Variants in ENPP6 observed in about 807,000 individuals in gnomAD.
The protein encoded by ENPP6 is glycerophosphocholine cholinephosphodiesterase ENPP6.
A neutral mutation model predicts 42.0 loss-of-function variants in ENPP6; 32 were observed. The observed-to-expected ratio is 0.76, with a 90% CI of 0.58 to 1.02. The LOEUF (loss-of-function observed/expected upper bound fraction) is 1.02, where lower values mean the gene tolerates loss of function less well. ENPP6 is among the 50% of genes least tolerant of loss of function. The probability of loss-of-function intolerance (pLI) is 0.00; values close to 1 mark genes in which losing one functional copy is unlikely to be tolerated. For missense variants in ENPP6, 552 were observed against 566.8 expected (o/e 0.97, Z 0.27); for synonymous variants, 213 against 216.0 (o/e 0.99, Z 0.12).
chr4:184,101,017 G>T (rs1735991500), intron 6 of ENPP6, among the ~76,000 whole-genome samples: 1 of 152,178 alleles, frequency 6.6e-6, no homozygotes, highest in Admixed American at 6.5e-5. Flanking sequence ...CGAGCCTGAA[G>T]GAGGGAGGGA....
Position 184,205,482 on chromosome 4 carries a change from C to T in ENPP6, c.241+12097G>A, listed in dbSNP as rs866188043. 1.8e-4 allele frequency among the ~76,000 whole-genome samples: 28 copies of T among 152,294 alleles called. No individual in the cohort carries two copies. The Middle Eastern group carries it at 0.01, about 56-fold the overall frequency. On this transcript the variant is annotated intron_variant, in intron 1 of 7. Coordinates refer to ENST00000296741, the MANE Select transcript of ENPP6 (RefSeq NM_153343.4). The stretch of plus-strand genomic sequence containing the variant: ...GCACGCCCAGCGGGACACAAGCAAG[C>T]GAAGAGAAGGGTGGTGGGAGCGAGG...
At chr4:184,162,288 G>T (rs977542538) in intron 1 of ENPP6, among the ~76,000 whole-genome samples, 1 of 151,960 alleles carries the variant, frequency 6.6e-6, no homozygotes, top group Admixed American at 6.6e-5. Context: ...CTGGAAAAAA[G>T]GGGGGAAGGA....
At chr4:184,169,419 C>T (rs1002381367) in intron 1 of ENPP6, among the ~76,000 whole-genome samples, 14 of 152,230 alleles carry the variant, frequency 9.2e-5, no homozygotes, top group Admixed American at 8.5e-4. Flanking sequence ...GGGAGGGCAG[C>T]AGGGGAGGGT....
At chr4:184,130,982 T>C (rs1736596400) in intron 2 of ENPP6, among the ~76,000 whole-genome samples, 1 of 152,206 alleles carries the variant, frequency 6.6e-6, no homozygotes, top group African/African-American at 2.4e-5. Flanking sequence ...ACAGAAACAT[T>C]TCTGTACACT....
intron 1 of ENPP6, among the ~76,000 whole-genome samples, chr4:184,195,247 A>AC (rs2111110684): frequency 6.6e-6 from 1 of 152,132 alleles, no homozygotes; most frequent in African/African-American, 2.4e-5. Flanking sequence ...TCTAGTACCC[A>AC]ATAGTTATTT....
chr4:184,191,299 T>C (rs1256583478), intron 1 of ENPP6, among the ~76,000 whole-genome samples: 1 of 152,228 alleles, frequency 6.6e-6, no homozygotes, highest in African/African-American at 2.4e-5. Flanking sequence ...GGAACAATTG[T>C]GACTACTTTA....
At chr4:184,116,830 C>G (rs1406331756) in intron 5 of ENPP6, 26 bp downstream of exon 5, 3 of 1,611,412 alleles carry the variant, frequency 1.9e-6, no homozygotes. Context: ...CATGGCCCTC[C>G]TCCGCCCCCC....
intron 2 of ENPP6, among the ~76,000 whole-genome samples, chr4:184,146,578 G>T (rs759783423): frequency 6.6e-6 from 1 of 152,218 alleles, no homozygotes; most frequent in Non-Finnish European, 1.5e-5. Flanking sequence ...AGAGCTGGCC[G>T]GGGTGCCCCG....
chr4:184,133,161 T>TCACA lies in ENPP6; in HGVS notation c.422-8893_422-8890dup, dbSNP rs66979248. ...TAAATTTTAGAATCAACCTGTCAAT[T>TCACA]CACACACACACACACACACACACAC... On this transcript the variant is annotated intron_variant, in intron 2 of 7. Transcript: ENST00000296741. Among the ~76,000 whole-genome samples the TCACA allele has an allele frequency of 7.2e-3, 1,007 of 139,908 alleles. 10 individuals are homozygous for TCACA. Among genetic ancestry groups the TCACA allele is most frequent in the South Asian group, 0.046 (204 of 4,412 alleles). The allele number at this position is 139,908 out of a possible 152,430, so 91.8% of individuals were successfully genotyped here.
rs1311985637 is a variant in ENPP6 at position 184,097,333 on chromosome 4, G to A, written c.1029C>T (p.Thr343=). The A allele has an allele frequency of 1.9e-6, 3 of 1,614,022 alleles. No individual in the cohort carries two copies. Among genetic ancestry groups the A allele is most frequent in the African/African-American group, 2.7e-5 (2 of 74,922 alleles). The part of the protein sequence containing the change: ...REMLPFWMNS[T]GRREGWQRGW... The stretch of plus-strand genomic sequence containing the variant: ...CACGCTGCCAACCTTCCCGCCTGCC[G>A]GTGCTGTTCATCCAAAACGGAAGCA... The change falls in exon 7 of 8, where the codon ACC becomes ACT. Residue 343 remains threonine, a synonymous_variant. Transcript: ENST00000296741.
At chr4:184,091,775 G>C (rs945236077) in intron 7 of ENPP6, among the ~76,000 whole-genome samples, 5 of 152,092 alleles carry the variant, frequency 3.3e-5, no homozygotes, top group African/African-American at 1.2e-4. Flanking sequence ...ATGGTGGTGT[G>C]CTCCCAGCTA....
intron 2 of ENPP6, among the ~76,000 whole-genome samples, chr4:184,135,147 T>C (rs1443556452): frequency 6.6e-6 from 1 of 152,192 alleles, no homozygotes; most frequent in African/African-American, 2.4e-5. Flanking sequence ...ATTTCATGTA[T>C]ACTTGAAAAT....
intron 2 of ENPP6, among the ~76,000 whole-genome samples, chr4:184,151,905 A>T (rs921669618): frequency 6.6e-6 from 1 of 152,184 alleles, no homozygotes; most frequent in African/African-American, 2.4e-5. Context: ...ACGAAAAGTT[A>T]TCTCCTTGTA....
intron 2 of ENPP6, among the ~76,000 whole-genome samples, chr4:184,126,432 C>T (rs991038522): frequency 5.3e-5 from 8 of 152,096 alleles, no homozygotes; most frequent in East Asian, 1.9e-4. Context: ...TCTGTATTTT[C>T]GAAAACTATA....
At position 184,090,056 on chromosome 4, in the gene ENPP6, T is replaced by C. The variant is rs1334344578; in HGVS notation, c.*1121A>G. ...GGTCAGTGACTGGGACTCTGCTCCA[T>C]CATGCTCTCTCCATTCTCCACCCAG... On this transcript the variant is annotated 3_prime_UTR_variant, in exon 8 of 8. Coordinates refer to ENST00000296741, the MANE Select transcript of ENPP6 (RefSeq NM_153343.4). 1 of 152,210 alleles carries C rather than the reference T, an allele frequency of 6.6e-6. No homozygotes were observed. The highest frequency in any genetic ancestry group is 1.5e-5 in the Non-Finnish European group (1 of 68,062). The allele number at this position is 152,210 out of a possible 1,614,324, so 9.4% of individuals were successfully genotyped here.
chr4:184,143,640 C>T (rs1319100717), intron 2 of ENPP6, among the ~76,000 whole-genome samples: 1 of 152,244 alleles, frequency 6.6e-6, no homozygotes, highest in Non-Finnish European at 1.5e-5. Context: ...CCCTCATGGC[C>T]AATCCCGGAA....
intron 1 of ENPP6, among the ~76,000 whole-genome samples, chr4:184,215,109 G>A (rs1733177401): frequency 6.6e-6 from 1 of 152,160 alleles, no homozygotes; most frequent in Admixed American, 6.5e-5. Flanking sequence ...TATTTTGCCT[G>A]AAGTCTCCAA....
chr4:184,213,323 T>C (rs999379954), intron 1 of ENPP6, among the ~76,000 whole-genome samples: 68 of 150,476 alleles, frequency 4.5e-4, no homozygotes, highest in African/African-American at 1.5e-3. Context: ...TGGGAGAAAA[T>C]TTTCGCAACC....
intron 1 of ENPP6, among the ~76,000 whole-genome samples, chr4:184,176,426 T>C (rs1486793480): frequency 6.6e-6 from 1 of 152,184 alleles, no homozygotes; most frequent in African/African-American, 2.4e-5. Context: ...AGTTAAGTGT[T>C]AAATGGCTTG....
Sources: allele counts gnomAD v4.1 joint callset (sites outside exome capture counted in the v4.1 genomes callset), GRCh38; gene constraint gnomAD v4.1.1; transcripts MANE v1.5; gene names NCBI Gene and HGNC (gene_info 2026-07-23, HGNC 2026-07-21).